Variants in APAF1 observed in about 807,000 individuals in gnomAD.
APAF1 encodes the protein apoptotic protease-activating factor 1.
In APAF1, 91 loss-of-function variants were observed where a neutral mutation model predicts 152.4. The ratio of observed to expected loss-of-function variants is 0.60; its 90% CI spans 0.50 to 0.71. The LOEUF (loss-of-function observed/expected upper bound fraction) is 0.71. Ranked by LOEUF, APAF1 falls within the 30% of genes least tolerant of loss-of-function variation. The pLI is 0.00. For synonymous variants in APAF1, 484 were observed against 494.1 expected (o/e 0.98, Z 0.27); for missense variants, 1,283 against 1,472.0 (o/e 0.87, Z 2.10).
intron 10 of APAF1, among the ~76,000 whole-genome samples, chr12:98,668,695 G>A (rs2097676483): frequency 6.6e-6 from 1 of 152,188 alleles, no homozygotes; most frequent in Non-Finnish European, 1.5e-5. Context: ...TCAAACCCCA[G>A]TGGAAAGAAC....
chr12:98,718,297 A>G (rs2097737369), intron 22 of APAF1, among the ~76,000 whole-genome samples: 2 of 151,708 alleles, frequency 1.3e-5, no homozygotes, highest in African/African-American at 2.4e-5. Context: ...CAGTGGTGCA[A>G]TCTCGGCTCA....
At chr12:98,690,688 G>C (rs1379295855) in intron 16 of APAF1, among the ~76,000 whole-genome samples, 4 of 152,190 alleles carry the variant, frequency 2.6e-5, no homozygotes, top group African/African-American at 9.7e-5. Flanking sequence ...ATTTGCCGCT[G>C]AATTATGGTC....
At chr12:98,732,321 G>T in intron 26 of APAF1, 99 bp from the exon 27 acceptor site, 1 of 1,058,780 alleles carries the variant, frequency 9.4e-7, no homozygotes, top group African/African-American at 1.6e-5. Flanking sequence ...GCTTGAGTTC[G>T]GTTGGGGGGA....
intron 16 of APAF1, among the ~76,000 whole-genome samples, chr12:98,692,093 AT>A (rs1270251706): frequency 6.6e-6 from 1 of 151,612 alleles, no homozygotes; most frequent in Non-Finnish European, 1.5e-5. Flanking sequence ...TTTCATTATT[AT>A]TTTTTTTAGA....
chr12:98,687,949 G>A (rs2097699755), intron 16 of APAF1, among the ~76,000 whole-genome samples: 1 of 152,066 alleles, frequency 6.6e-6, no homozygotes, highest in South Asian at 2.1e-4. Context: ...GTAGATAGGA[G>A]TACAGGCGCC....
At chr12:98,675,150 T>G (rs779079030) in intron 12 of APAF1, among the ~76,000 whole-genome samples, 7 of 152,238 alleles carry the variant, frequency 4.6e-5, no homozygotes, top group Admixed American at 6.5e-5. Flanking sequence ...ATGCTTTATT[T>G]AAGTACTAGA....
At chr12:98,702,090 G>A (rs907580499) in intron 17 of APAF1, among the ~76,000 whole-genome samples, 3 of 151,858 alleles carry the variant, frequency 2.0e-5, no homozygotes, top group African/African-American at 7.3e-5. Context: ...TTTTGAGATG[G>A]AGTCTCGCTC....
At chr12:98,683,376 CAAT>C in intron 15 of APAF1, 102 bp downstream of exon 15, 1 of 1,155,048 alleles carries the variant, frequency 8.7e-7, no homozygotes, top group Non-Finnish European at 1.3e-6. Context: ...TTTCTGGTCA[CAAT>C]GATAGAAACT....
intron 20 of APAF1, among the ~76,000 whole-genome samples, chr12:98,709,572 G>C (rs1013928620): frequency 6.6e-6 from 1 of 152,174 alleles, no homozygotes; most frequent in Non-Finnish European, 1.5e-5. Flanking sequence ...GTTGTAGATA[G>C]TGGCAGCAAG....
chr12:98,716,918 T>G (rs2097735391), intron 22 of APAF1, among the ~76,000 whole-genome samples: 1 of 152,072 alleles, frequency 6.6e-6, no homozygotes, highest in African/African-American at 2.4e-5. Context: ...CAGGCTGGAG[T>G]GCAGTGGCGC....
intron 16 of APAF1, among the ~76,000 whole-genome samples, chr12:98,692,481 C>T (rs144848589): frequency 2.6e-5 from 4 of 152,202 alleles, no homozygotes; most frequent in Middle Eastern, 6.8e-3. Flanking sequence ...ATGCTGATGC[C>T]GAGGTTTGGG....
At chr12:98,673,325 C>G (rs2097682614) in intron 12 of APAF1, among the ~76,000 whole-genome samples, 1 of 150,144 alleles carries the variant, frequency 6.7e-6, no homozygotes. Flanking sequence ...ACTAAAAATA[C>G]AAAAATTAGC....
intron 10 of APAF1, 80 bp downstream of exon 10, chr12:98,667,724 T>C: frequency 7.0e-7 from 1 of 1,427,136 alleles, no homozygotes; most frequent in Non-Finnish European, 9.7e-7. Flanking sequence ...TTTTTTCTGT[T>C]ATTTTTTGTC....
chr12:98,692,766 G>A (rs1025625198), intron 16 of APAF1, among the ~76,000 whole-genome samples: 6 of 152,140 alleles, frequency 3.9e-5, no homozygotes, highest in South Asian at 2.1e-4. Flanking sequence ...TGGTGTATAT[G>A]TACCATATTT....
chr12:98,704,749 G>A (rs538336896), intron 18 of APAF1, among the ~76,000 whole-genome samples: 2 of 152,148 alleles, frequency 1.3e-5, no homozygotes, highest in Non-Finnish European at 2.9e-5. Flanking sequence ...TGTTTTGTTG[G>A]GCAGAGACTT....
chr12:98,687,561 AC>A (rs1295177172), intron 16 of APAF1, among the ~76,000 whole-genome samples: 1 of 151,768 alleles, frequency 6.6e-6, no homozygotes, highest in Non-Finnish European at 1.5e-5. Context: ...TTTATTTCTT[AC>A]AGTTCTGGGG....
chr12:98,649,741 TATG>T (rs2097646558), intron 4 of APAF1, 57 bp downstream of exon 4: 1 of 1,438,404 alleles, frequency 7.0e-7, no homozygotes, highest in Non-Finnish European at 9.7e-7. Flanking sequence ...GTAAAAATAT[TATG>T]ATATATCAAT....
intron 7 of APAF1, among the ~76,000 whole-genome samples, chr12:98,663,013 C>T (rs1477268151): frequency 6.6e-6 from 1 of 151,966 alleles, no homozygotes. Context: ...TACCATCTAC[C>T]CACAGTGTGT....
chr12:98,663,225 C>T (rs574890369), intron 7 of APAF1, among the ~76,000 whole-genome samples: 8 of 152,098 alleles, frequency 5.3e-5, no homozygotes, highest in South Asian at 2.1e-4. Context: ...TTATTGAATA[C>T]GTTTTAAGAA....
Sources: allele counts gnomAD v4.1 joint callset (sites outside exome capture counted in the v4.1 genomes callset), GRCh38; gene constraint gnomAD v4.1.1; transcripts MANE v1.5; gene names NCBI Gene and HGNC (gene_info 2026-07-23, HGNC 2026-07-21).